ATP8B4: variants seen among roughly 807,000 people sequenced by gnomAD.
The protein encoded by ATP8B4 is probable phospholipid-transporting ATPase IM.
Under a neutral mutation model 145.6 loss-of-function variants are expected in ATP8B4, and 133 were observed. The observed-to-expected ratio is 0.91, with a 90% CI of 0.79 to 1.05. ATP8B4 has a LOEUF of 1.05. Among genes scored for constraint, ATP8B4 ranks in the 50% least tolerant of loss-of-function variants. The probability of loss-of-function intolerance (pLI) is 0.00; values close to 1 mark genes in which losing one functional copy is unlikely to be tolerated. For synonymous variants in ATP8B4, 507 were observed against 492.9 expected (o/e 1.03, Z -0.38); for missense variants, 1,458 against 1,425.2 (o/e 1.02, Z -0.37).
At chr15:50,127,460 G>T (rs1259968427) in intron 1 of ATP8B4, among the ~76,000 whole-genome samples, 1 of 152,136 alleles carries the variant, frequency 6.6e-6, no homozygotes, top group African/African-American at 2.4e-5. Flanking sequence ...CACAGCAATC[G>T]TGAATGTGGA....
At chr15:50,076,717 C>T (rs1240795053) in intron 2 of ATP8B4, among the ~76,000 whole-genome samples, 1 of 152,130 alleles carries the variant, frequency 6.6e-6, no homozygotes, top group Non-Finnish European at 1.5e-5. Flanking sequence ...AAGTCTTAAT[C>T]GTTGTGTCTG....
intron 14 of ATP8B4, among the ~76,000 whole-genome samples, chr15:49,939,002 T>G (rs1163876067): frequency 6.6e-6 from 1 of 152,092 alleles, no homozygotes; most frequent in Non-Finnish European, 1.5e-5. Flanking sequence ...CCTGAATGAC[T>G]TTTGGGTAAA....
intron 6 of ATP8B4, among the ~76,000 whole-genome samples, chr15:50,035,650 G>A (rs1372098219): frequency 6.6e-6 from 1 of 152,096 alleles, no homozygotes; most frequent in Non-Finnish European, 1.5e-5. Flanking sequence ...GAATCTGAAT[G>A]TAGCCACCCA....
Position 50,011,036 on chromosome 15 carries a change from T to C in ATP8B4, c.363-119A>G, listed in dbSNP as rs1190375353. ...GGAAGCAGGCAAGACTTTCCTAGTA[T>C]GTTAATTCAAAATGGTCTTACATTA... On this transcript the variant is annotated intron_variant, in intron 6 of 27. Transcript: ENST00000284509. The C allele has an allele frequency of 2.7e-5, 17 of 623,238 alleles. No individual in the cohort carries two copies. The East Asian group carries it at 5.2e-4, about 19-fold the overall frequency. The allele number at this position is 623,238 out of a possible 1,614,324, so 38.6% of individuals were successfully genotyped here.
chr15:50,137,778 C>A (rs1405148424), intron 1 of ATP8B4, among the ~76,000 whole-genome samples: 1 of 152,084 alleles, frequency 6.6e-6, no homozygotes, highest in South Asian at 2.1e-4. Context: ...CTGGGAGGGT[C>A]GTCATCTTGA....
rs545107520 is a variant in ATP8B4, at chr15:49,979,479, C to T, written c.1034+138G>A. 1.5e-5 allele frequency: 9 copies of T among 607,350 alleles called. No homozygotes were observed. In the African/African-American group the frequency reaches 1.7e-4, roughly 11 times the overall value. The allele number at this position is 607,350 out of a possible 1,614,324, so 37.6% of individuals were successfully genotyped here. On this transcript the variant is annotated intron_variant, in intron 12 of 27. Transcript: ENST00000284509. The stretch of plus-strand genomic sequence containing the variant: ...TAACAGATTAAACAGCTAAGCTGTC[C>T]CATTTGTAACAGATGTTGCAGATCA...
At chr15:49,936,469 T>A (rs1470544214) in intron 14 of ATP8B4, among the ~76,000 whole-genome samples, 2 of 152,164 alleles carry the variant, frequency 1.3e-5, no homozygotes, top group Non-Finnish European at 2.9e-5. Flanking sequence ...TTTGAAGGGA[T>A]CACTCCACTG....
At position 50,128,132 on chromosome 15, in the gene ATP8B4, A is replaced by G. The variant is rs531312669; in HGVS notation, c.-42-21124T>C. 2.8e-4 allele frequency among the ~76,000 whole-genome samples: 42 copies of G among 152,346 alleles called. 2 individuals carry two copies. The South Asian group carries it at 7.0e-3, about 26-fold the overall frequency. On this transcript the variant is annotated intron_variant, in intron 1 of 3. Coordinates refer to the ATP8B4 transcript ENST00000558829. ...GGAAAGAAGGAATTAATATCACCCCAGAAAAGCAGGAGGAACACTTATGGA... is the reference window on the plus strand; with the variant it reads ...GGAAAGAAGGAATTAATATCACCCCGGAAAAGCAGGAGGAACACTTATGGA...
intron 3 of ATP8B4, among the ~76,000 whole-genome samples, chr15:50,060,625 T>C (rs763283113): frequency 1.3e-4 from 20 of 152,168 alleles, no homozygotes; most frequent in Non-Finnish European, 2.1e-4. Flanking sequence ...AATTAAATAC[T>C]TTCCCCGCCC....
At position 49,901,109 on chromosome 15, in the gene ATP8B4, T is replaced by C; in HGVS notation, c.2272A>G (p.Ile758Val). Residue 758 changes from isoleucine (I) to valine (V), a missense_variant, in exon 21 of 28, where the codon ATA becomes GTA. By Grantham distance (29) the Ile-to-Val change is conservative. Transcript: ENST00000284509. ...ETITGDYALI[I>V]NGHSLAHALE... ...AAACTCACCAAACTGTGGCCATTTA[T>C]GATTAAGGCATAATCTCCTGTTATG... 1.2e-6 allele frequency: 2 copies of C among 1,612,906 alleles called. No homozygotes were observed. Among genetic ancestry groups the C allele is most frequent in the Admixed American group, 3.3e-5 (2 of 59,892 alleles).
chr15:50,039,985 T>C (rs778520261), intron 5 of ATP8B4, among the ~76,000 whole-genome samples: 2 of 152,226 alleles, frequency 1.3e-5, no homozygotes, highest in South Asian at 2.1e-4. Context: ...ACGTCACCCA[T>C]TGACATGAAA....
At chr15:50,005,531 A>G (rs551358517) in intron 7 of ATP8B4, among the ~76,000 whole-genome samples, 2 of 152,256 alleles carry the variant, frequency 1.3e-5, no homozygotes, top group East Asian at 3.9e-4. Flanking sequence ...TATCTGGCCC[A>G]GGAGTGAGGG....
At chr15:50,005,745 T>C (rs1166414983) in intron 7 of ATP8B4, among the ~76,000 whole-genome samples, 2 of 152,228 alleles carry the variant, frequency 1.3e-5, no homozygotes, top group African/African-American at 4.8e-5. Context: ...GGTGGGCTAC[T>C]AAATCACTGG....
intron 1 of ATP8B4, among the ~76,000 whole-genome samples, chr15:50,126,797 A>G (rs2057310491): frequency 6.6e-6 from 1 of 152,192 alleles, no homozygotes; most frequent in Non-Finnish European, 1.5e-5. Flanking sequence ...GAGTCCCAAT[A>G]GAAACTAAAA....
At chr15:50,140,074 A>G (rs1436269676) in intron 1 of ATP8B4, among the ~76,000 whole-genome samples, 2 of 152,170 alleles carry the variant, frequency 1.3e-5, no homozygotes, top group Admixed American at 6.6e-5. Context: ...TACAGTGTGC[A>G]CTATTTGGGT....
At chr15:50,078,724 C>T (rs1260133400) in intron 2 of ATP8B4, among the ~76,000 whole-genome samples, 6 of 151,718 alleles carry the variant, frequency 4.0e-5, no homozygotes, top group Non-Finnish European at 8.8e-5. Context: ...ATTTTGAGCT[C>T]CAAGGACAAG....
chr15:49,961,141 A>C (rs961417665), intron 14 of ATP8B4, among the ~76,000 whole-genome samples: 1 of 152,162 alleles, frequency 6.6e-6, no homozygotes, highest in Admixed American at 6.5e-5. Context: ...TCAAAAAAAA[A>C]AAAAAATTAT....
intron 2 of ATP8B4, among the ~76,000 whole-genome samples, chr15:50,083,828 G>A (rs532236348): frequency 4.1e-4 from 63 of 152,300 alleles, no homozygotes; most frequent in African/African-American, 1.5e-3. Context: ...TATTTATTGA[G>A]CTCGTTTGAG....
intron 3 of ATP8B4, among the ~76,000 whole-genome samples, chr15:50,061,615 G>A (rs1386220005): frequency 6.6e-6 from 1 of 152,090 alleles, no homozygotes; most frequent in African/African-American, 2.4e-5. Flanking sequence ...TTCAATTCCA[G>A]TATACCCTGG....
Sources: gnomAD v4.1 joint callset for allele counts (sites outside exome capture counted in the v4.1 genomes callset) on GRCh38, gnomAD v4.1.1 for gene constraint, MANE v1.5 for transcripts, NCBI Gene and HGNC (gene_info 2026-07-23, HGNC 2026-07-21) for gene names.